The following PHF14 variants were observed in gnomAD, a reference collection of about 807,000 sequenced individuals.
The protein encoded by PHF14 is PHD finger protein 14.
A neutral mutation model predicts 117.9 loss-of-function variants in PHF14; 55 were observed. The observed-to-expected ratio is 0.47, with a 90% confidence interval of 0.38 to 0.58. The LOEUF is 0.58. PHF14 is among the 20% of genes least tolerant of loss of function. The pLI is 0.00. For synonymous variants in PHF14, 409 were observed against 368.6 expected, an observed-to-expected ratio of 1.11 and a Z score of -1.26; for missense variants, 978 against 1,122.2, an observed-to-expected ratio of 0.87 and a Z score of 1.84.
intron 5 of PHF14, among the ~76,000 whole-genome samples, chr7:11,017,230 T>A (rs532909977): frequency 6.6e-6 from 1 of 152,316 alleles, no homozygotes; most frequent in Non-Finnish European, 1.5e-5. Flanking sequence ...GATATCTCTT[T>A]AATGTACTGA....
At chr7:11,118,357 A>G (rs985290622) in intron 17 of PHF14, among the ~76,000 whole-genome samples, 1 of 151,860 alleles carries the variant, frequency 6.6e-6, no homozygotes, top group Non-Finnish European at 1.5e-5. Context: ...AAGGTCCTCA[A>G]CTAAGTTCAG....
intron 4 of PHF14, among the ~76,000 whole-genome samples, chr7:11,002,790 C>A (rs961373044): frequency 6.6e-6 from 1 of 151,978 alleles, no homozygotes; most frequent in Non-Finnish European, 1.5e-5. Context: ...AGGGCAAACA[C>A]AGGAAAGAAG....
chr7:11,101,211 G>A (rs927124900), intron 16 of PHF14, among the ~76,000 whole-genome samples: 2 of 151,762 alleles, frequency 1.3e-5, no homozygotes, highest in Non-Finnish European at 2.9e-5. Context: ...TTAATTGGGG[G>A]TTAAAGCAGA....
intron 17 of PHF14, among the ~76,000 whole-genome samples, chr7:11,168,252 AT>A (rs1002624394): frequency 3.9e-5 from 6 of 152,160 alleles, no homozygotes; most frequent in African/African-American, 9.7e-5. Context: ...ATCTATAATG[AT>A]TCAGATTGGT....
At chr7:11,101,622 A>C (rs368120919) in intron 16 of PHF14, among the ~76,000 whole-genome samples, 1 of 151,500 alleles carries the variant, frequency 6.6e-6, no homozygotes, top group African/African-American at 2.4e-5. Flanking sequence ...CTTTCTTTGG[A>C]GGTTATTCAG....
At chr7:11,139,819 T>C (rs1034236832) in intron 17 of PHF14, among the ~76,000 whole-genome samples, 5 of 152,070 alleles carry the variant, frequency 3.3e-5, no homozygotes, top group African/African-American at 1.2e-4. Context: ...TTGATGAAAA[T>C]TGAGTAAAAT....
chr7:11,128,643 A>T (rs375755952), intron 17 of PHF14, among the ~76,000 whole-genome samples: 1 of 151,776 alleles, frequency 6.6e-6, no homozygotes, highest in Non-Finnish European at 1.5e-5. Context: ...ATTCAAGGCC[A>T]TATATAATCT....
At chr7:11,152,606 G>C (rs901963626) in intron 17 of PHF14, among the ~76,000 whole-genome samples, 1 of 152,070 alleles carries the variant, frequency 6.6e-6, no homozygotes, top group African/African-American at 2.4e-5. Context: ...TTCATTGAAA[G>C]GCTACAATAT....
intron 17 of PHF14, among the ~76,000 whole-genome samples, chr7:11,120,474 C>G (rs1787717676): frequency 6.6e-6 from 1 of 152,010 alleles, no homozygotes. Flanking sequence ...AAATGAAAAT[C>G]TTTCCTGTCT....
At chr7:11,013,673 C>G (rs1783431682) in intron 4 of PHF14, 74 bp from the exon 5 acceptor site, 1 of 759,490 alleles carries the variant, frequency 1.3e-6, no homozygotes, top group Non-Finnish European at 2.0e-6. Context: ...CTTTGCTATT[C>G]TTTTTCTTTT....
chr7:11,061,993 A>T lies in PHF14; in HGVS notation c.2562A>T (p.Arg854Ser). The change falls in exon 16 of 18, where the codon AGA becomes AGT. Residue 854 changes from arginine (R) to serine (S), a missense_variant. Physicochemically the swap from Arg to Ser is moderately radical, Grantham distance 110. Around this residue, in one of 7 missense-constraint regions of PHF14, gnomAD observed 180 missense variants for 195.4 expected, o/e 0.92. Transcript: ENST00000634607. The part of the protein sequence containing the change: ...EERVPRERRQ[R>S]QSVLQKKPKA... ...GAGTTCCTAGAGAGAGAAGACAAAGACAGTCTGTGTTGCAAAAGAAGCCCA... is the reference window on the plus strand; with the variant it reads ...GAGTTCCTAGAGAGAGAAGACAAAGTCAGTCTGTGTTGCAAAAGAAGCCCA... 7 of 1,603,232 alleles carry T rather than the reference A, an allele frequency of 4.4e-6. No homozygotes were observed. Among genetic ancestry groups the T allele is most frequent in the Non-Finnish European group, 5.1e-6 (6 of 1,174,022 alleles).
rs764253179 is a variant in PHF14 at position 11,035,597 on chromosome 7, GGA to G, written c.1456-41_1456-40del. Reference sequence around the variant, plus strand: ...TGTGTTAGGTCTTTTATGACTCTTGGGAGTACAAATGTTCACTATTTTTCTGT... The same window carrying G: ...TGTGTTAGGTCTTTTATGACTCTTGGGTACAAATGTTCACTATTTTTCTGT... On this transcript the variant is annotated intron_variant, in intron 7 of 17. Transcript: ENST00000634607. 1,844 of 1,366,224 alleles carry G rather than the reference GGA, an allele frequency of 1.3e-3. 1 individual carries two copies. Among genetic ancestry groups the G allele is most frequent in the Non-Finnish European group, 1.6e-3 (1,652 of 1,002,736 alleles). 84.6% of individuals were successfully genotyped at this position (1,366,224 alleles called of 1,614,324 possible).
At position 11,036,399 on chromosome 7, in the gene PHF14, G is replaced by T; in HGVS notation, c.1603-19G>T. The T allele has an allele frequency of 6.4e-7, 1 of 1,559,836 alleles. No individual in the cohort carries two copies. The highest frequency in any genetic ancestry group is 1.2e-5 in the South Asian group (1 of 85,078). On this transcript the variant is annotated intron_variant, in intron 8 of 17. Coordinates refer to ENST00000634607, the MANE Select transcript of PHF14 (RefSeq NM_001007157.2). ...TTCATTTTATTATCTTTTAAAATTT[G>T]AATACATTTCTTTTATAGGCAAGGA...
chr7:11,088,845 T>C (rs1366809216), intron 16 of PHF14, among the ~76,000 whole-genome samples: 4 of 152,150 alleles, frequency 2.6e-5, no homozygotes, highest in South Asian at 4.1e-4. Context: ...TATAGATTTA[T>C]AGATTATAAG....
At chr7:11,107,574 C>A (rs140578053) in intron 16 of PHF14, 45 of 845,342 alleles carry the variant, frequency 5.3e-5, no homozygotes, top group Admixed American at 1.3e-4. Flanking sequence ...CTTTAAGCAT[C>A]CAGTTTTTAT....
rs779360904 is a variant in PHF14 at position 11,022,886 on chromosome 7, T to C, written c.1224T>C (p.Cys408=). ...TTCTTAGATGGGTTCATATTGTTTG[T>C]GCCCTGTATGTTCCTGGAGTAGCCT... The part of the protein sequence containing the change: ...TDAGRWVHIV[C]ALYVPGVAFG... The change falls in exon 6 of 18, where the codon TGT becomes TGC. Residue 408 remains cysteine, a synonymous_variant. Coordinates refer to ENST00000634607, the MANE Select transcript of PHF14 (RefSeq NM_001007157.2). 3 of 1,603,128 alleles carry C rather than the reference T, an allele frequency of 1.9e-6. No individual in the cohort carries two copies. The highest frequency in any genetic ancestry group is 1.3e-5 in the African/African-American group (1 of 74,808).
chr7:11,114,782 C>T lies in PHF14; in HGVS notation c.2772+3315C>T, dbSNP rs550445316. Among the ~76,000 whole-genome samples the T allele has an allele frequency of 2.6e-5, 4 of 152,132 alleles. No homozygotes were observed. In the East Asian group the frequency reaches 7.7e-4, roughly 29 times the overall value. ...ACATACAAATACACAGAGACACATA[C>T]ACTCATACACAAAACATACCTTCTC... On this transcript the variant is annotated intron_variant, in intron 17 of 17. Transcript: ENST00000634607.
chr7:11,089,171 A>G (rs529558351), intron 16 of PHF14, among the ~76,000 whole-genome samples: 12 of 152,282 alleles, frequency 7.9e-5, no homozygotes, highest in Middle Eastern at 6.8e-3. Flanking sequence ...ATCAGGAGCA[A>G]CCATTGAGTA....
Position 11,040,766 on chromosome 7 carries a change from T to C in PHF14, c.2171T>C (p.Val724Ala). 1 of 1,495,094 alleles carries C rather than the reference T, an allele frequency of 6.7e-7. No homozygotes were observed. The highest frequency in any genetic ancestry group is 9.1e-7 in the Non-Finnish European group (1 of 1,097,538). 92.6% of individuals were successfully genotyped at this position (1,495,094 alleles called of 1,614,324 possible). A position where few individuals can be genotyped will look rare whatever the true frequency, so the allele number is the denominator to read the frequency against. ...CAAAAGACATCTACTCTTCCTGCAG[T>C]ACTTTATAGGCAAGTAATGAAATTA... ...GTQKTSTLPA[V>A]LYSCGICKKN... is the part of the protein sequence containing the mutation. The change falls in exon 12 of 18, where the codon GTA becomes GCA. Residue 724 changes from valine to alanine, a missense_variant. Val to Ala is a moderately conservative substitution (Grantham distance 64). Transcript: ENST00000634607.
Sources: allele counts gnomAD v4.1 joint callset (sites outside exome capture counted in the v4.1 genomes callset), GRCh38; gene constraint gnomAD v4.1.1; regional missense constraint gnomAD v4.1.1; transcripts MANE v1.5; gene names NCBI Gene and HGNC (gene_info 2026-07-23, HGNC 2026-07-21).